Variants in AKT3 observed in about 807,000 individuals in gnomAD.
AKT3 encodes AKT serine/threonine kinase 3.
A neutral mutation model predicts 65.3 loss-of-function variants in AKT3; 15 were observed. The observed-to-expected ratio is 0.23, with a 90% confidence interval of 0.15 to 0.35. The LOEUF (loss-of-function observed/expected upper bound fraction) is 0.35, where lower values mean the gene tolerates loss of function less well. AKT3 is among the 10% of genes least tolerant of loss of function. The probability of loss-of-function intolerance (pLI) is 1.00; values close to 1 mark genes in which losing one functional copy is unlikely to be tolerated. For synonymous variants in AKT3, 206 were observed against 183.8 expected (o/e 1.12, Z -0.98); for missense variants, 243 against 576.5 (o/e 0.42, Z 5.92).
Position 243,505,205 on chromosome 1 carries a change from G to A in AKT3, c.*44C>T, listed in dbSNP as rs192105293. The A allele has an allele frequency of 7.8e-6, 12 of 1,529,818 alleles. No individual in the cohort carries two copies. Among genetic ancestry groups the A allele is most frequent in the Non-Finnish European group, 1.0e-5 (11 of 1,104,172 alleles). 94.8% of individuals were successfully genotyped at this position (1,529,818 alleles called of 1,614,324 possible). On this transcript the variant is annotated 3_prime_UTR_variant, in exon 14 of 14. Coordinates refer to ENST00000673466, the MANE Select transcript of AKT3 (RefSeq NM_005465.7). ...TGGTGATGTCCAGGAATCATTTTCA[G>A]TAATAAATTGAAGATGACAGTGAAG...
intron 2 of AKT3, among the ~76,000 whole-genome samples, chr1:243,715,430 A>G (rs989051729): frequency 1.3e-5 from 2 of 152,100 alleles, no homozygotes; most frequent in Non-Finnish European, 2.9e-5. Flanking sequence ...ATGGGTCTTA[A>G]AAGTTCATTA....
chr1:243,777,445 GTATGAGAAAAATTGTAA>G (rs1337571613), intron 2 of AKT3, among the ~76,000 whole-genome samples: 4 of 152,182 alleles, frequency 2.6e-5, no homozygotes, highest in Non-Finnish European at 5.9e-5. Context: ...AACAGGTAGG[GTATGAGAAAAATTGTAA>G]CAGAAATAAA....
intron 2 of AKT3, among the ~76,000 whole-genome samples, chr1:243,824,264 C>T (rs1694027417): frequency 6.6e-6 from 1 of 152,024 alleles, no homozygotes; most frequent in African/African-American, 2.4e-5. Context: ...TAACTCAATA[C>T]AGATTTAAAG....
Position 243,779,856 on chromosome 1 carries a change from G to A in AKT3, c.46+63269C>T, listed in dbSNP as rs569224627. Among the ~76,000 whole-genome samples, 14 of 152,076 alleles carry A rather than the reference G, an allele frequency of 9.2e-5. 1 individual carries two copies. Among genetic ancestry groups the A allele is most frequent in the Admixed American group, 2.0e-4 (3 of 15,254 alleles). On this transcript the variant is annotated intron_variant, in intron 2 of 13. Coordinates refer to ENST00000673466, the MANE Select transcript of AKT3 (RefSeq NM_005465.7). Reference sequence around the variant, plus strand: ...GACATGTCAAAAGAATTTAAAAGCCGGCCTGAAAGTGCTTTCATGGGCCCA... The same window carrying A: ...GACATGTCAAAAGAATTTAAAAGCCAGCCTGAAAGTGCTTTCATGGGCCCA...
chr1:243,762,384 G>A (rs1389041141), intron 2 of AKT3, among the ~76,000 whole-genome samples: 1 of 151,986 alleles, frequency 6.6e-6, no homozygotes, highest in East Asian at 1.9e-4. Context: ...AGGTATTTCA[G>A]GAAGAAGAGA....
chr1:243,697,074 G>C (rs1685104643), intron 2 of AKT3, among the ~76,000 whole-genome samples: 1 of 151,816 alleles, frequency 6.6e-6, no homozygotes, highest in Non-Finnish European at 1.5e-5. Flanking sequence ...ATATTACTTA[G>C]AGCACCAACA....
rs376654177 is a variant in AKT3, at chr1:243,820,063, C to T, written c.46+23062G>A. On this transcript the variant is annotated intron_variant, in intron 2 of 13. Transcript: ENST00000673466. Reference sequence around the variant, plus strand: ...CCTCCTGAGTAGCTGGGACTACAGGCGCATGCCACCACGCCCAGCTAATTT... The same window carrying T: ...CCTCCTGAGTAGCTGGGACTACAGGTGCATGCCACCACGCCCAGCTAATTT... Among the ~76,000 whole-genome samples, 7 of 152,266 alleles carry T rather than the reference C, an allele frequency of 4.6e-5. No homozygotes were observed. The East Asian group carries it at 7.7e-4, about 17-fold the overall frequency.
At chr1:243,811,345 T>A (rs995367213) in intron 2 of AKT3, among the ~76,000 whole-genome samples, 6 of 152,226 alleles carry the variant, frequency 3.9e-5, no homozygotes, top group Non-Finnish European at 5.9e-5. Context: ...ACAAAATCCA[T>A]GTGCCAAAAT....
At chr1:243,772,167 A>T (rs927971548) in intron 2 of AKT3, among the ~76,000 whole-genome samples, 1 of 152,216 alleles carries the variant, frequency 6.6e-6, no homozygotes, top group Non-Finnish European at 1.5e-5. Context: ...AGCAATGGCA[A>T]CAAAAGCCAA....
chr1:243,635,383 ATAAAT>A (rs1679900758), intron 6 of AKT3, among the ~76,000 whole-genome samples: 1 of 151,950 alleles, frequency 6.6e-6, no homozygotes, highest in Non-Finnish European at 1.5e-5. Flanking sequence ...TAGGAAAAAA[ATAAAT>A]TAACCCAAAG....
At position 243,544,976 on chromosome 1, in the gene AKT3, G is replaced by C. The variant is rs546410597; in HGVS notation, c.1251+534C>G. Among the ~76,000 whole-genome samples, 526 of 152,090 alleles carry C rather than the reference G, an allele frequency of 3.5e-3. 1 individual carries two copies. The highest frequency in any genetic ancestry group is 0.012 in the African/African-American group (508 of 41,498). On this transcript the variant is annotated intron_variant, in intron 12 of 13. Transcript: ENST00000673466. ...GCCTCCCAAAGTGCTGGGATTACAG[G>C]CATGAGCCACCATGCCTGGCCTAGT...
At chr1:243,629,238 T>C (rs1460024645) in intron 6 of AKT3, among the ~76,000 whole-genome samples, 1 of 152,134 alleles carries the variant, frequency 6.6e-6, no homozygotes, top group African/African-American at 2.4e-5. Context: ...TTTGCACCAT[T>C]GCATTCCAGC....
intron 2 of AKT3, among the ~76,000 whole-genome samples, chr1:243,765,795 G>C (rs891700273): frequency 6.6e-6 from 1 of 152,034 alleles, no homozygotes; most frequent in Non-Finnish European, 1.5e-5. Flanking sequence ...TCCTCAGGCC[G>C]AAGTAAACGT....
At chr1:243,612,148 A>T (rs426182) in intron 8 of AKT3, among the ~76,000 whole-genome samples, 25,319 of 151,742 alleles carry the variant, frequency 0.17, 2,270 homozygotes, top group South Asian at 0.3. Context: ...ATGCTCTGTC[A>T]CCCAGGCTGA....
At chr1:243,723,247 G>A (rs1017613150) in intron 2 of AKT3, among the ~76,000 whole-genome samples, 2 of 152,238 alleles carry the variant, frequency 1.3e-5, no homozygotes, top group Non-Finnish European at 2.9e-5. Context: ...TCAAGATAAC[G>A]TCTAGCCTAG....
At chr1:243,760,585 A>G (rs1349273285) in intron 2 of AKT3, among the ~76,000 whole-genome samples, 1 of 152,184 alleles carries the variant, frequency 6.6e-6, no homozygotes, top group Non-Finnish European at 1.5e-5. Flanking sequence ...GCAGGCATAG[A>G]GCAGCAAAAA....
intron 4 of AKT3, among the ~76,000 whole-genome samples, chr1:243,652,398 G>GA (rs1681421179): frequency 6.6e-6 from 1 of 152,002 alleles, no homozygotes; most frequent in South Asian, 2.1e-4. Flanking sequence ...AGGAGAAATA[G>GA]AATGCTTTAC....
intron 2 of AKT3, among the ~76,000 whole-genome samples, chr1:243,755,607 C>T (rs1689086004): frequency 6.6e-6 from 1 of 152,080 alleles, no homozygotes; most frequent in African/African-American, 2.4e-5. Flanking sequence ...ATTATAATTA[C>T]AAAGAAAACT....
intron 8 of AKT3, among the ~76,000 whole-genome samples, chr1:243,593,784 G>C (rs1055880597): frequency 1.3e-5 from 2 of 152,166 alleles, no homozygotes; most frequent in Admixed American, 6.5e-5. Context: ...CTAGGAATAG[G>C]AGAGAACTTA....
Sources: gnomAD v4.1 joint callset for allele counts (sites outside exome capture counted in the v4.1 genomes callset) on GRCh38, gnomAD v4.1.1 for gene constraint, MANE v1.5 for transcripts, NCBI Gene and HGNC (gene_info 2026-07-23, HGNC 2026-07-21) for gene names.